Variants in IMMP2L observed in about 807,000 individuals in gnomAD.
IMMP2L encodes mitochondrial inner membrane protease subunit 2.
A neutral mutation model predicts 19.3 loss-of-function variants in IMMP2L; 18 were observed. The observed-to-expected ratio is 0.93, with a 90% CI of 0.64 to 1.38. IMMP2L has a LOEUF of 1.38. IMMP2L is among the 40% of genes most tolerant of loss of function. The pLI is 0.00. For synonymous variants in IMMP2L, 76 were observed against 73.0 expected (o/e 1.04, Z -0.21); for missense variants, 233 against 218.2 (o/e 1.07, Z -0.43).
chr7:110,753,721 G>A (rs992516055), intron 5 of IMMP2L, among the ~76,000 whole-genome samples: 8 of 150,456 alleles, frequency 5.3e-5, no homozygotes, highest in Non-Finnish European at 1.0e-4. Flanking sequence ...AAGGTAAGAG[G>A]CTTTCATTTG....
At chr7:111,029,938 AG>A (rs1245523954) in intron 3 of IMMP2L, among the ~76,000 whole-genome samples, 1 of 152,166 alleles carries the variant, frequency 6.6e-6, no homozygotes, top group Non-Finnish European at 1.5e-5. Context: ...CAATGTGAAA[AG>A]GGAACAAAAA....
At chr7:111,044,948 T>C (rs559970769) in intron 3 of IMMP2L, among the ~76,000 whole-genome samples, 1 of 152,038 alleles carries the variant, frequency 6.6e-6, no homozygotes, top group East Asian at 1.9e-4. Context: ...CTAACAGAGC[T>C]GTGAAAATAT....
intron 3 of IMMP2L, among the ~76,000 whole-genome samples, chr7:111,373,740 A>T (rs756610577): frequency 3.3e-5 from 5 of 152,022 alleles, no homozygotes; most frequent in Non-Finnish European, 7.4e-5. Flanking sequence ...TATACTCTAC[A>T]TATTTTATAC....
intron 5 of IMMP2L, among the ~76,000 whole-genome samples, chr7:110,872,510 C>A (rs769705656): frequency 6.6e-6 from 1 of 152,142 alleles, no homozygotes; most frequent in Non-Finnish European, 1.5e-5. Context: ...AACCCCTTTC[C>A]CTGTACTGGC....
chr7:110,885,138 T>C (rs1810084611), intron 5 of IMMP2L, among the ~76,000 whole-genome samples: 1 of 152,086 alleles, frequency 6.6e-6, no homozygotes, highest in African/African-American at 2.4e-5. Context: ...ATATCCCTTA[T>C]CCAAAATACT....
intron 2 of IMMP2L, among the ~76,000 whole-genome samples, chr7:111,498,153 T>A (rs1259313972): frequency 6.6e-6 from 1 of 152,086 alleles, no homozygotes; most frequent in African/African-American, 2.4e-5. Flanking sequence ...TTCAGGTCGC[T>A]ACAACTAGAT....
intron 3 of IMMP2L, among the ~76,000 whole-genome samples, chr7:111,109,235 C>T (rs1798906823): frequency 1.3e-5 from 2 of 151,906 alleles, no homozygotes; most frequent in African/African-American, 4.8e-5. Context: ...ACATGATAAA[C>T]CATTAACTTT....
At position 110,803,635 on chromosome 7, in the gene IMMP2L, G is replaced by T. The variant is rs566281876; in HGVS notation, c.408+82958C>A. On this transcript the variant is annotated intron_variant, in intron 5 of 5. Coordinates refer to ENST00000405709, the MANE Select transcript of IMMP2L (RefSeq NM_032549.4). The surrounding 1 kb of genome is among the most constrained non-coding windows in gnomAD (Gnocchi z 4.2). ...CCTCTGCTGTGGTTAGTCATTGGAT[G>T]GGGGGAGCTCCAGAAATGGGAGTGA... 6.6e-6 allele frequency among the ~76,000 whole-genome samples: 1 copy of T among 151,980 alleles called. No homozygotes were observed. The highest frequency in any genetic ancestry group is 1.5e-5 in the Non-Finnish European group (1 of 67,970).
chr7:110,835,905 C>A (rs1804416178), intron 5 of IMMP2L, among the ~76,000 whole-genome samples: 1 of 152,106 alleles, frequency 6.6e-6, no homozygotes, highest in Non-Finnish European at 1.5e-5. Context: ...CAATGGGTCA[C>A]TGACTTTGCA....
intron 3 of IMMP2L, among the ~76,000 whole-genome samples, chr7:111,249,548 C>T (rs554460046): frequency 6.6e-6 from 1 of 152,152 alleles, no homozygotes; most frequent in Non-Finnish European, 1.5e-5. Flanking sequence ...TCCTCCCCCT[C>T]TTGTTGCTTT....
intron 1 of IMMP2L, among the ~76,000 whole-genome samples, chr7:111,531,528 C>T (rs1847393223): frequency 6.6e-6 from 1 of 151,896 alleles, no homozygotes; most frequent in Non-Finnish European, 1.5e-5. Flanking sequence ...AAAAAGTTTA[C>T]CATAAAAATT....
intron 3 of IMMP2L, among the ~76,000 whole-genome samples, chr7:111,025,687 A>G (rs1438518617): frequency 2.0e-5 from 3 of 152,156 alleles, no homozygotes; most frequent in African/African-American, 7.2e-5. Context: ...CCTGCTTATT[A>G]CTGTACTCCC....
chr7:111,556,018 G>GTGTA lies in IMMP2L; in HGVS notation c.-3+5832_-3+5833insTACA, dbSNP rs777862357. On this transcript the variant is annotated intron_variant, in intron 1 of 5. Coordinates refer to ENST00000405709, the MANE Select transcript of IMMP2L (RefSeq NM_032549.4). The stretch of plus-strand genomic sequence containing the variant: ...TTAGCCATCCCTCTTCTGTGTGCAT[G>GTGTA]TATATATATATATATATACATACCC... Among the ~76,000 whole-genome samples, 252 of 91,368 alleles carry GTGTA rather than the reference G, an allele frequency of 2.8e-3. 11 individuals are homozygous for GTGTA. Among genetic ancestry groups the GTGTA allele is most frequent in the African/African-American group, 8.6e-3 (237 of 27,640 alleles). 59.9% of individuals were successfully genotyped at this position (91,368 alleles called of 152,430 possible).
At position 111,103,771 on chromosome 7, in the gene IMMP2L, T is replaced by C. The variant is rs1326478825; in HGVS notation, c.240-140206A>G. ...ATACTATGAACTTTTAACGCATTAT[T>C]TTATTTAATTTTCACAACATTCCTT... is the stretch of plus-strand genomic sequence containing the variant. On this transcript the variant is annotated intron_variant, in intron 3 of 5. Transcript: ENST00000405709. Among the ~76,000 whole-genome samples the C allele has an allele frequency of 2.0e-5, 3 of 151,558 alleles. No homozygotes were observed. In the East Asian group the frequency reaches 5.8e-4, roughly 29 times the overall value.
rs143958254 is a variant in IMMP2L, at chr7:111,280,581, T to A, written c.239+206657A>T. 9.9e-5 allele frequency among the ~76,000 whole-genome samples: 15 copies of A among 152,128 alleles called. No homozygotes were observed. The East Asian group carries it at 2.9e-3, about 29-fold the overall frequency. ...TACACATCAAACATTTTAGAAAACA[T>A]TAGTGGCAAGCAAAAAAAGGAAATG... On this transcript the variant is annotated intron_variant, in intron 3 of 5. Transcript: ENST00000405709.
intron 3 of IMMP2L, among the ~76,000 whole-genome samples, chr7:111,059,890 T>C (rs1412043977): frequency 1.3e-5 from 2 of 150,010 alleles, no homozygotes; most frequent in African/African-American, 2.5e-5. Context: ...TTACAGCATA[T>C]GGTAATAACT....
rs138937351 is a variant in IMMP2L, at chr7:111,083,336, G to A, written c.240-119771C>T. Among the ~76,000 whole-genome samples the A allele has an allele frequency of 9.3e-4, 142 of 152,230 alleles. 1 individual carries two copies. Among genetic ancestry groups the A allele is most frequent in the African/African-American group, 3.0e-3 (126 of 41,532 alleles). On this transcript the variant is annotated intron_variant, in intron 3 of 5. Coordinates refer to ENST00000405709, the MANE Select transcript of IMMP2L (RefSeq NM_032549.4). ...TGCCTTTGAGGAATAATGATTTATA[G>A]ATACCTTCACACTATGTTAATCATC...
At chr7:110,900,450 TCTC>T (rs1811745989) in intron 4 of IMMP2L, among the ~76,000 whole-genome samples, 1 of 152,072 alleles carries the variant, frequency 6.6e-6, no homozygotes, top group Non-Finnish European at 1.5e-5. Flanking sequence ...GCCACCAACT[TCTC>T]CTTCCTGGAC....
chr7:110,774,735 T>C (rs536912154), intron 5 of IMMP2L, among the ~76,000 whole-genome samples: 5 of 152,058 alleles, frequency 3.3e-5, no homozygotes, highest in Non-Finnish European at 7.4e-5. Flanking sequence ...AGCAACAGGC[T>C]ATACTGTATA....
Sources: gnomAD v4.1 joint callset for allele counts (sites outside exome capture counted in the v4.1 genomes callset) on GRCh38, gnomAD v4.1.1 for gene constraint, Gnocchi (gnomAD v3.1) non-coding constraint, MANE v1.5 for transcripts, NCBI Gene and HGNC (gene_info 2026-07-23, HGNC 2026-07-21) for gene names.